Variants in SHB observed in about 807,000 individuals in gnomAD.
The protein encoded by SHB is SH2 domain containing adaptor protein B.
SHB carries 20 observed loss-of-function variants against 52.3 expected under a neutral mutation model. That is an observed-to-expected ratio of 0.38 (90% CI 0.27 to 0.56). The LOEUF (loss-of-function observed/expected upper bound fraction) is 0.56. Ranked by LOEUF, SHB falls within the 20% of genes least tolerant of loss-of-function variation. SHB has a pLI of 0.71. For synonymous variants in SHB, 397 were observed against 316.5 expected, an observed-to-expected ratio of 1.25 and a Z score of -2.70; for missense variants, 825 against 723.3, an observed-to-expected ratio of 1.14 and a Z score of -1.61.
At chr9:37,998,704 C>T (rs183554416) in intron 2 of SHB, among the ~76,000 whole-genome samples, 200 of 152,348 alleles carry the variant, frequency 1.3e-3, no homozygotes, top group African/African-American at 4.5e-3. Flanking sequence ...GCACCCTCCT[C>T]GGCCTCCCAA....
chr9:38,010,005 A>C (rs1215258509), intron 2 of SHB, among the ~76,000 whole-genome samples: 1 of 152,246 alleles, frequency 6.6e-6, no homozygotes, highest in East Asian at 1.9e-4. Context: ...TGCCAGAGGA[A>C]GGGTTAGTAA....
At chr9:37,927,643 C>T (rs1351296024) in intron 5 of SHB, among the ~76,000 whole-genome samples, 4 of 152,202 alleles carry the variant, frequency 2.6e-5, no homozygotes, top group South Asian at 4.1e-4. Flanking sequence ...CAATTTTTCT[C>T]ATGAGAAAAC....
intron 2 of SHB, 59 bp downstream of exon 2, chr9:38,015,952 C>G: frequency 6.3e-7 from 1 of 1,583,366 alleles, no homozygotes; most frequent in Non-Finnish European, 8.6e-7. Context: ...GCAGTGCCCT[C>G]ACTCCCTTTC....
chr9:38,000,776 A>G (rs1375741226), intron 2 of SHB, among the ~76,000 whole-genome samples: 3 of 152,226 alleles, frequency 2.0e-5, no homozygotes, highest in Admixed American at 6.5e-5. Context: ...GGAGCCCCAG[A>G]GCCAGTTGGG....
chr9:37,948,789 G>A (rs368765123), intron 4 of SHB, 35 bp from the exon 5 acceptor site: 37 of 1,611,630 alleles, frequency 2.3e-5, no homozygotes, highest in Non-Finnish European at 2.9e-5. Flanking sequence ...AGAGCCCAGC[G>A]CGATGGGATT....
At position 37,948,601 on chromosome 9, in the gene SHB, G is replaced by A. The variant is rs574307798; in HGVS notation, c.1346+34C>T. ...GCCGGCTGCGCTCGCAGAGGCTGCCGAGGAGGGCTGGGGGTGCTCGGGGCG... is the reference window on the plus strand; with the variant it reads ...GCCGGCTGCGCTCGCAGAGGCTGCCAAGGAGGGCTGGGGGTGCTCGGGGCG... On this transcript the variant is annotated intron_variant, in intron 5 of 5. Coordinates refer to ENST00000377707, the MANE Select transcript of SHB (RefSeq NM_003028.3). The A allele has an allele frequency of 2.6e-5, 42 of 1,609,264 alleles. No homozygotes were observed. The East Asian group carries it at 8.7e-4, about 33-fold the overall frequency.
At position 37,916,281 on chromosome 9, in the gene SHB, C is replaced by T. The variant is rs1176960098; in HGVS notation, c.*3540G>A. 1.3e-5 allele frequency among the ~76,000 whole-genome samples: 2 copies of T among 152,242 alleles called. No homozygotes were observed. The highest frequency in any genetic ancestry group is 6.5e-5 in the Admixed American group (1 of 15,286). On this transcript the variant is annotated 3_prime_UTR_variant, in exon 6 of 6. Coordinates refer to ENST00000377707, the MANE Select transcript of SHB (RefSeq NM_003028.3). ...TGCCTGATTCGGCCATGACCCTTCA[C>T]GGGTGTCTGTGGGCCAACACCAAAC...
intron 5 of SHB, among the ~76,000 whole-genome samples, chr9:37,945,372 T>C (rs1832480283): frequency 6.6e-6 from 1 of 152,172 alleles, no homozygotes; most frequent in Non-Finnish European, 1.5e-5. Context: ...TTGAGGTGAT[T>C]CATTCCAGGG....
intron 5 of SHB, among the ~76,000 whole-genome samples, chr9:37,946,376 G>A (rs138696855): frequency 1.8e-3 from 281 of 152,348 alleles, no homozygotes; most frequent in African/African-American, 6.3e-3. Flanking sequence ...ATCTGGGCCT[G>A]CTTTTATAAC....
chr9:38,068,278 C>T lies in SHB; in HGVS notation c.368G>A (p.Gly123Glu). ...DYCGGSGEPG[G>E]VQRAFSASSA... ...CGAGGCCGAGAAGGCGCGCTGGACC[C>T]CGCCTGGCTCCCCGCTGCCGCCGCA... is the stretch of plus-strand genomic sequence containing the variant. The change falls in exon 1 of 6, where the codon GGG (glycine) becomes GAG (glutamate). Residue 123 changes from glycine (G) to glutamate (E), a missense_variant. Coordinates refer to ENST00000377707, the MANE Select transcript of SHB (RefSeq NM_003028.3). 2 of 1,472,408 alleles carry T rather than the reference C, an allele frequency of 1.4e-6. No homozygotes were observed. The highest frequency in any genetic ancestry group is 3.0e-5 in the East Asian group (1 of 33,502). 91.2% of individuals were successfully genotyped at this position (1,472,408 alleles called of 1,614,324 possible). A position where few individuals can be genotyped will look rare whatever the true frequency, so the allele number is the denominator to read the frequency against.
intron 1 of SHB, among the ~76,000 whole-genome samples, chr9:38,058,682 C>G (rs1487887534): frequency 6.6e-6 from 1 of 152,178 alleles, no homozygotes. Context: ...TCCTCTGCCC[C>G]ACACCTCTCA....
In SHB at chr9:37,918,637, T is replaced by C. The variant is rs1003015910; in HGVS notation, c.*1184A>G. On this transcript the variant is annotated 3_prime_UTR_variant, in exon 6 of 6. Transcript: ENST00000377707. ...GCCATGCAGAACCAACGAAAGAGCA[T>C]TGGCTGCAGAACCGCTCTGCTGCTG... Among the ~76,000 whole-genome samples, 8 of 152,290 alleles carry C rather than the reference T, an allele frequency of 5.3e-5. No individual in the cohort carries two copies. Among genetic ancestry groups the C allele is most frequent in the South Asian group, 2.1e-4 (1 of 4,824 alleles).
chr9:37,996,556 A>G (rs1458383390), intron 2 of SHB, among the ~76,000 whole-genome samples: 1 of 152,182 alleles, frequency 6.6e-6, no homozygotes, highest in Non-Finnish European at 1.5e-5. Context: ...TAAAGCCCTT[A>G]TCTCTATAGT....
intron 5 of SHB, among the ~76,000 whole-genome samples, chr9:37,932,734 C>T (rs1254940477): frequency 1.3e-5 from 2 of 152,172 alleles, no homozygotes; most frequent in Admixed American, 1.3e-4. Context: ...CTGCCTCAGC[C>T]ACCCAAGGAG....
intron 1 of SHB, among the ~76,000 whole-genome samples, chr9:38,045,114 C>T (rs1821633581): frequency 6.6e-6 from 1 of 152,206 alleles, no homozygotes; most frequent in East Asian, 1.9e-4. Context: ...AAAAAGAAGC[C>T]TTTCCAAGAG....
intron 4 of SHB, among the ~76,000 whole-genome samples, chr9:37,952,863 G>T (rs745667871): frequency 4.6e-5 from 7 of 152,058 alleles, no homozygotes; most frequent in Non-Finnish European, 8.8e-5. Context: ...CATTAAGTTT[G>T]AGATGCCCAC....
rs1238907788 is a variant in SHB at position 38,069,074 on chromosome 9, T to TC, written c.-430dup. On this transcript the variant is annotated 5_prime_UTR_variant, in exon 1 of 6. Coordinates refer to ENST00000377707, the MANE Select transcript of SHB (RefSeq NM_003028.3). Reference sequence around the variant, plus strand: ...GCGGGAACTTCTCGGCGTCCTCGGCTCCCTTCTTCCTTCCTGCGAGCGCTG... The same window carrying TC: ...GCGGGAACTTCTCGGCGTCCTCGGCTCCCCTTCTTCCTTCCTGCGAGCGCTG... The TC allele has an allele frequency of 1.3e-5, 2 of 151,310 alleles. No individual in the cohort carries two copies. The highest frequency in any genetic ancestry group is 2.9e-5 in the Non-Finnish European group (2 of 67,836). The allele number at this position is 151,310 out of a possible 1,614,324, so 9.4% of individuals were successfully genotyped here. A position where few individuals can be genotyped will look rare whatever the true frequency, so the allele number is the denominator to read the frequency against.
chr9:38,014,720 G>C (rs944930311), intron 2 of SHB, among the ~76,000 whole-genome samples: 2 of 152,218 alleles, frequency 1.3e-5, no homozygotes, highest in Admixed American at 6.5e-5. Flanking sequence ...TGTTCTGGAG[G>C]CCACACTGGT....
At chr9:37,950,855 G>A (rs1473343828) in intron 4 of SHB, among the ~76,000 whole-genome samples, 3 of 152,210 alleles carry the variant, frequency 2.0e-5, no homozygotes, top group Admixed American at 1.3e-4. Context: ...ACTGTGTGGT[G>A]ACATCCCCAC....
Sources: allele counts gnomAD v4.1 joint callset (sites outside exome capture counted in the v4.1 genomes callset), GRCh38; gene constraint gnomAD v4.1.1; transcripts MANE v1.5; gene names NCBI Gene and HGNC (gene_info 2026-07-23, HGNC 2026-07-21).